The following PLCE1 variants were observed in gnomAD, a reference collection of about 807,000 sequenced individuals.
PLCE1 encodes 1-phosphatidylinositol 4,5-bisphosphate phosphodiesterase epsilon-1.
PLCE1 carries 119 observed loss-of-function variants against 242.8 expected under a neutral mutation model. The ratio of observed to expected loss-of-function variants is 0.49; its 90% CI spans 0.42 to 0.57. The LOEUF is 0.57. Among genes scored for constraint, PLCE1 ranks in the 20% least tolerant of loss-of-function variants. The pLI is 0.00. For synonymous variants in PLCE1, 945 were observed against 1,017.4 expected (o/e 0.93, Z 1.35); for missense variants, 2,441 against 2,788.8 (o/e 0.88, Z 2.81).
In PLCE1 at chr10:94,148,385, C is replaced by T. The variant is rs2047178975; in HGVS notation, c.1492+15926C>T. ...TCCTGGTTTGCAGGTGCATTGGGCC[C>T]TAGGTCAGGGCAAATCTTGGGAAGA... On this transcript the variant is annotated intron_variant, in intron 3 of 32. Coordinates refer to ENST00000371380, the MANE Select transcript of PLCE1 (RefSeq NM_016341.4). 6.6e-5 allele frequency among the ~76,000 whole-genome samples: 10 copies of T among 152,218 alleles called. No homozygotes were observed. In the South Asian group the frequency reaches 2.1e-3, roughly 32 times the overall value.
intron 2 of PLCE1, among the ~76,000 whole-genome samples, chr10:94,086,162 TC>T (rs1458331270): frequency 2.6e-5 from 4 of 152,146 alleles, no homozygotes; most frequent in Non-Finnish European, 5.9e-5. Flanking sequence ...GGAAGCTTTG[TC>T]TTTTGGAATC....
chr10:94,173,180 G>A (rs2048033645), intron 4 of PLCE1, among the ~76,000 whole-genome samples: 1 of 152,092 alleles, frequency 6.6e-6, no homozygotes, highest in Admixed American at 6.5e-5. Flanking sequence ...TTTGGTTTAA[G>A]CCCACAAAGT....
chr10:94,310,332 T>C (rs1317676382), intron 27 of PLCE1, among the ~76,000 whole-genome samples: 1 of 152,160 alleles, frequency 6.6e-6, no homozygotes, highest in Non-Finnish European at 1.5e-5. Flanking sequence ...TTTGCTTAGG[T>C]GTTCCTCCTT....
intron 1 of PLCE1, among the ~76,000 whole-genome samples, chr10:94,004,063 T>C (rs1325002474): frequency 6.6e-6 from 1 of 152,076 alleles, no homozygotes; most frequent in South Asian, 2.1e-4. Flanking sequence ...AAGGAATTGC[T>C]TGAAGCCAGG....
At chr10:94,294,271 G>T (rs1462103097) in intron 23 of PLCE1, among the ~76,000 whole-genome samples, 1 of 152,008 alleles carries the variant, frequency 6.6e-6, no homozygotes, top group African/African-American at 2.4e-5. Flanking sequence ...AGAAGATATG[G>T]CTATTTTATT....
At chr10:94,259,645 T>C (rs1448981311) in intron 13 of PLCE1, among the ~76,000 whole-genome samples, 2 of 152,146 alleles carry the variant, frequency 1.3e-5, no homozygotes, top group East Asian at 3.8e-4. Flanking sequence ...TACTGGCATT[T>C]TGAGCAAAGA....
In PLCE1 at chr10:94,031,250, C is replaced by T. The variant is rs773723252; in HGVS notation, c.204C>T (p.Asn68=). ...NKLKEEPSGS[N]LPKILSIARE... is the part of the protein sequence containing the mutation. ...TTAAAGAAGAACCTTCTGGAAGCAACTTGCCAAAGATTCTCTCAATAGCGA... is the reference window on the plus strand; with the variant it reads ...TTAAAGAAGAACCTTCTGGAAGCAATTTGCCAAAGATTCTCTCAATAGCGA... Residue 68 remains asparagine (N), a synonymous_variant, in exon 2 of 33, where the codon AAC becomes AAT. Transcript: ENST00000371380. 5.6e-6 allele frequency: 9 copies of T among 1,613,872 alleles called. No homozygotes were observed. Among genetic ancestry groups the T allele is most frequent in the African/African-American group, 1.3e-5 (1 of 75,026 alleles).
intron 27 of PLCE1, among the ~76,000 whole-genome samples, chr10:94,311,143 C>T (rs889268335): frequency 3.9e-5 from 6 of 152,158 alleles, no homozygotes; most frequent in African/African-American, 1.2e-4. Context: ...CCTCCCAGAA[C>T]CTCGATGTGT....
At chr10:94,164,435 T>C (rs983548694) in intron 3 of PLCE1, among the ~76,000 whole-genome samples, 7 of 152,260 alleles carry the variant, frequency 4.6e-5, no homozygotes, top group African/African-American at 1.7e-4. Flanking sequence ...TTCTTCCAGT[T>C]GATCAAATCA....
At chr10:94,029,634 A>G (rs2061517264) in intron 1 of PLCE1, among the ~76,000 whole-genome samples, 1 of 152,144 alleles carries the variant, frequency 6.6e-6, no homozygotes, top group African/African-American at 2.4e-5. Context: ...GTAGTTGTAG[A>G]GACATGAATA....
In PLCE1 at chr10:94,031,811, T is replaced by C; in HGVS notation, c.765T>C (p.His255=). 6.2e-7 allele frequency: 1 copy of C among 1,613,828 alleles called. No individual in the cohort carries two copies. Among genetic ancestry groups the C allele is most frequent in the Non-Finnish European group, 8.5e-7 (1 of 1,179,880 alleles). The stretch of plus-strand genomic sequence containing the variant: ...AGAATGAGCAGCTGCAGTGTGATCA[T>C]TGTGACACCTTGAATGATAAATACT... ...DNKNEQLQCD[H]CDTLNDKYFC... The change falls in exon 2 of 33, where the codon CAT becomes CAC. Residue 255 remains histidine, a synonymous_variant. Coordinates refer to ENST00000371380, the MANE Select transcript of PLCE1 (RefSeq NM_016341.4).
chr10:94,252,580 G>A lies in PLCE1; in HGVS notation c.3279+82G>A. ...TGAACATCACCATAAAACACTTAAG[G>A]TTGTTTGGGTTGAGGACAAAGTCAG... On this transcript the variant is annotated intron_variant, in intron 9 of 32. Coordinates refer to ENST00000371380, the MANE Select transcript of PLCE1 (RefSeq NM_016341.4). 1.6e-6 allele frequency: 2 copies of A among 1,213,976 alleles called. 1 individual carries two copies. The highest frequency in any genetic ancestry group is 2.6e-5 in the South Asian group (2 of 77,026). 75.2% of individuals were successfully genotyped at this position (1,213,976 alleles called of 1,614,324 possible). A position where few individuals can be genotyped will look rare whatever the true frequency, so the allele number is the denominator to read the frequency against.
At chr10:94,144,211 C>G (rs2047050586) in intron 3 of PLCE1, among the ~76,000 whole-genome samples, 1 of 152,188 alleles carries the variant, frequency 6.6e-6, no homozygotes, top group Non-Finnish European at 1.5e-5. Flanking sequence ...TCCTAAGCCT[C>G]TCTGATTCCC....
intron 24 of PLCE1, 110 bp from the exon 25 acceptor site, chr10:94,304,372 G>C (rs2053134567): frequency 3.1e-6 from 3 of 964,436 alleles, no homozygotes; most frequent in Non-Finnish European, 5.1e-6. Context: ...TTTCATGCTG[G>C]AGCTTAGGGA....
At chr10:94,038,022 T>C (rs1490320770) in intron 2 of PLCE1, among the ~76,000 whole-genome samples, 1 of 152,148 alleles carries the variant, frequency 6.6e-6, no homozygotes, top group Non-Finnish European at 1.5e-5. Context: ...GTATGTGGCC[T>C]GAAAAGAATT....
chr10:94,233,967 A>G, intron 5 of PLCE1, 87 bp from the exon 6 acceptor site: 1 of 1,254,888 alleles, frequency 8.0e-7, no homozygotes, highest in Non-Finnish European at 1.1e-6. Context: ...AATGGTAAAA[A>G]GAATGAATTT....
intron 24 of PLCE1, 38 bp from the exon 25 acceptor site, chr10:94,304,444 A>G: frequency 3.1e-6 from 5 of 1,589,632 alleles, no homozygotes; most frequent in Non-Finnish European, 4.3e-6. Context: ...CGACAAAGTA[A>G]CAAGCTATAT....
chr10:94,211,879 G>T (rs1346317139), intron 4 of PLCE1, among the ~76,000 whole-genome samples: 1 of 152,072 alleles, frequency 6.6e-6, no homozygotes, highest in Non-Finnish European at 1.5e-5. Flanking sequence ...ACAAGCCCCT[G>T]CTATGTCCTC....
chr10:94,227,193 T>G, intron 4 of PLCE1, 113 bp from the exon 5 acceptor site: 1 of 1,027,092 alleles, frequency 9.7e-7, no homozygotes, highest in South Asian at 1.3e-5. Context: ...TACAGGTCTT[T>G]CATTTCCTAA....
Sources: allele counts gnomAD v4.1 joint callset (sites outside exome capture counted in the v4.1 genomes callset), GRCh38; gene constraint gnomAD v4.1.1; transcripts MANE v1.5; gene names NCBI Gene and HGNC (gene_info 2026-07-23, HGNC 2026-07-21).